The following TRIM23 variants were observed in gnomAD, a reference collection of about 807,000 sequenced individuals.
The protein encoded by TRIM23 is E3 ubiquitin-protein ligase TRIM23.
TRIM23 carries 27 observed loss-of-function variants against 71.0 expected under a neutral mutation model. That is an observed-to-expected ratio of 0.38 (90% CI 0.28 to 0.52). The LOEUF (loss-of-function observed/expected upper bound fraction) is 0.52. Ranked by LOEUF, TRIM23 falls within the 20% of genes least tolerant of loss-of-function variation. The pLI, the probability that TRIM23 is intolerant of heterozygous loss-of-function variation, is 0.84. For missense variants in TRIM23, 482 were observed against 692.3 expected (o/e 0.70, Z 3.41); for synonymous variants, 234 against 238.0 (o/e 0.98, Z 0.16).
chr5:65,622,329 G>A (rs1410227708), intron 1 of TRIM23, among the ~76,000 whole-genome samples: 1 of 151,900 alleles, frequency 6.6e-6, no homozygotes, highest in Non-Finnish European at 1.5e-5. Flanking sequence ...ACAATGCCTG[G>A]CTACGTTTTG....
At chr5:65,618,050 T>C (rs755533022) in intron 2 of TRIM23, 43 bp downstream of exon 2, 3 of 1,522,862 alleles carry the variant, frequency 2.0e-6, no homozygotes, top group Non-Finnish European at 1.8e-6. Flanking sequence ...TTGCATTACA[T>C]GAACAATTTT....
At chr5:65,613,681 T>C (rs1754709917) in intron 3 of TRIM23, 1 of 1,139,812 alleles carries the variant, frequency 8.8e-7, no homozygotes, top group Non-Finnish European at 1.1e-6. Flanking sequence ...CAGAAGTTAC[T>C]GCTATCTTTA....
intron 7 of TRIM23, among the ~76,000 whole-genome samples, chr5:65,600,531 C>G (rs1351726095): frequency 6.6e-6 from 1 of 150,966 alleles, no homozygotes; most frequent in Non-Finnish European, 1.5e-5. Context: ...ACTTAAGACC[C>G]CAAACCATAA....
intron 5 of TRIM23, among the ~76,000 whole-genome samples, chr5:65,609,863 T>A (rs1249443134): frequency 1.3e-5 from 2 of 152,238 alleles, no homozygotes; most frequent in African/African-American, 4.8e-5. Context: ...CAGTCTCCCC[T>A]ATTCCCAAAC....
chr5:65,610,765 C>G (rs1276893887), intron 5 of TRIM23, 96 bp downstream of exon 5: 1 of 1,078,516 alleles, frequency 9.3e-7, no homozygotes, highest in African/African-American at 1.6e-5. Context: ...TGGTGCAATA[C>G]TGGCAAATTG....
chr5:65,613,729 C>T (rs142544159), intron 3 of TRIM23: 8 of 1,190,382 alleles, frequency 6.7e-6, no homozygotes, highest in East Asian at 1.2e-4. Flanking sequence ...CCTCTTACAT[C>T]GAGTTTTTCT....
In TRIM23 at chr5:65,590,511, T is replaced by C. The variant is rs1753989600; in HGVS notation, c.*1258A>G. The stretch of plus-strand genomic sequence containing the variant: ...CCTTACAACAATTCAACTAATAAGA[T>C]TTAAGATTTAACTTCATCCTAATGT... On this transcript the variant is annotated 3_prime_UTR_variant, in exon 11 of 11. Coordinates refer to ENST00000231524, the MANE Select transcript of TRIM23 (RefSeq NM_001656.4). 8.5e-7 allele frequency: 1 copy of C among 1,178,770 alleles called. No individual in the cohort carries two copies. The highest frequency in any genetic ancestry group is 3.8e-5 in the East Asian group (1 of 26,550). 73.0% of individuals were successfully genotyped at this position (1,178,770 alleles called of 1,614,324 possible).
intron 6 of TRIM23, chr5:65,606,862 T>A (rs1192209674): frequency 6.6e-6 from 1 of 152,270 alleles, no homozygotes; most frequent in Non-Finnish European, 1.5e-5. Flanking sequence ...TAACATATAG[T>A]ATAATTAACT....
intron 3 of TRIM23, 44 bp from the exon 4 acceptor site, chr5:65,611,925 T>C (rs1413366042): frequency 6.4e-7 from 1 of 1,551,940 alleles, no homozygotes; most frequent in Non-Finnish European, 8.7e-7. Context: ...ACCCAATCAG[T>C]ATAACATGAC....
intron 1 of TRIM23, among the ~76,000 whole-genome samples, chr5:65,620,950 A>C (rs899653928): frequency 2.0e-5 from 3 of 151,876 alleles, no homozygotes; most frequent in African/African-American, 7.3e-5. Flanking sequence ...GGATCATTTG[A>C]GCCCAGGAGG....
At chr5:65,622,109 A>C (rs1754963615) in intron 1 of TRIM23, among the ~76,000 whole-genome samples, 1 of 152,080 alleles carries the variant, frequency 6.6e-6, no homozygotes, top group East Asian at 1.9e-4. Context: ...CTGAGATTAA[A>C]GGTGTGAAAC....
At chr5:65,594,059 G>A (rs1004627145) in intron 10 of TRIM23, among the ~76,000 whole-genome samples, 1 of 152,104 alleles carries the variant, frequency 6.6e-6, no homozygotes, top group African/African-American at 2.4e-5. Context: ...ATCCTCTACT[G>A]AGACCTGACA....
intron 10 of TRIM23, 101 bp downstream of exon 10, chr5:65,594,418 CTA>C: frequency 7.3e-7 from 1 of 1,363,504 alleles, no homozygotes; most frequent in Non-Finnish European, 9.9e-7. Flanking sequence ...ACAGAAGAAA[CTA>C]TAAATATCTA....
chr5:65,596,414 C>A lies in TRIM23; in HGVS notation c.1420+7G>T. 6.4e-7 allele frequency: 1 copy of A among 1,552,766 alleles called. No homozygotes were observed. The highest frequency in any genetic ancestry group is 1.7e-5 in the Admixed American group (1 of 58,350). On this transcript the variant is annotated splice_region_variant and intron_variant, in intron 9 of 10. Coordinates refer to ENST00000231524, the MANE Select transcript of TRIM23 (RefSeq NM_001656.4). ...GTGAAAAATTAAATGTCATTTTTAA[C>A]TCTCACCTTGAGTATTGAGGTAATA...
intron 1 of TRIM23, among the ~76,000 whole-genome samples, chr5:65,621,542 A>C (rs1033272874): frequency 6.6e-6 from 1 of 152,162 alleles, no homozygotes; most frequent in Non-Finnish European, 1.5e-5. Context: ...TTATGCTGTT[A>C]ATGTATTTTT....
At position 65,590,443 on chromosome 5, in the gene TRIM23, C is replaced by T. The variant is rs1753986787; in HGVS notation, c.*1326G>A. On this transcript the variant is annotated 3_prime_UTR_variant, in exon 11 of 11. Transcript: ENST00000231524. ...TAGATTTGAAAAGAATGAACCACAA[C>T]AGTGCTACCAAAAAGTCACATCTTG... 18 of 1,310,580 alleles carry T rather than the reference C, an allele frequency of 1.4e-5. No homozygotes were observed. The highest frequency in any genetic ancestry group is 1.7e-5 in the Non-Finnish European group (17 of 1,021,112). 81.2% of individuals were successfully genotyped at this position (1,310,580 alleles called of 1,614,324 possible).
rs77410453 is a variant in TRIM23, at chr5:65,597,700, T to C, written c.1180-520A>G. 2.4e-3 allele frequency among the ~76,000 whole-genome samples: 371 copies of C among 152,300 alleles called. 5 individuals carry two copies. Among genetic ancestry groups the C allele is most frequent in the African/African-American group, 8.8e-3 (366 of 41,562 alleles). ...TATTATGGAATCCTGTCAATACATA[T>C]TGACCAACCTTTTTCTTTTAATGGC... On this transcript the variant is annotated intron_variant, in intron 7 of 10. Coordinates refer to ENST00000231524, the MANE Select transcript of TRIM23 (RefSeq NM_001656.4).
Position 65,594,988 on chromosome 5 carries a change from G to A in TRIM23, c.1421-343C>T, listed in dbSNP as rs370496754. ...TACCTATGGATGCTACTTGTTCTTC[G>A]AATACTACTTTTCTAATATTTAGTC... On this transcript the variant is annotated intron_variant, in intron 9 of 10. Coordinates refer to ENST00000231524, the MANE Select transcript of TRIM23 (RefSeq NM_001656.4). 4.6e-5 allele frequency among the ~76,000 whole-genome samples: 7 copies of A among 152,050 alleles called. No homozygotes were observed. In the South Asian group the frequency reaches 8.3e-4, roughly 18 times the overall value.
intron 3 of TRIM23, among the ~76,000 whole-genome samples, chr5:65,612,917 ATTAC>A (rs1754689760): frequency 6.6e-6 from 1 of 152,226 alleles, no homozygotes; most frequent in African/African-American, 2.4e-5. Flanking sequence ...TTATGAAATA[ATTAC>A]TTTTATTTCA....
Sources: allele counts gnomAD v4.1 joint callset (sites outside exome capture counted in the v4.1 genomes callset), GRCh38; gene constraint gnomAD v4.1.1; transcripts MANE v1.5; gene names NCBI Gene and HGNC (gene_info 2026-07-23, HGNC 2026-07-21).